The following GRM5 variants were observed in gnomAD, a reference collection of about 807,000 sequenced individuals.
GRM5 encodes glutamate metabotropic receptor 5, also known as metabotropic glutamate receptor 5.
A neutral mutation model predicts 83.1 loss-of-function variants in GRM5; 19 were observed. The observed-to-expected ratio is 0.23, with a 90% CI of 0.16 to 0.34. The LOEUF is 0.34. GRM5 is among the 10% of genes least tolerant of loss of function. GRM5 has a pLI of 1.00. For synonymous variants in GRM5, 675 were observed against 633.6 expected (o/e 1.07, Z -0.98); for missense variants, 1,160 against 1,588.3 (o/e 0.73, Z 4.58).
chr11:88,728,636 G>T (rs1941737548), intron 3 of GRM5, among the ~76,000 whole-genome samples: 1 of 152,104 alleles, frequency 6.6e-6, no homozygotes, highest in Admixed American at 6.6e-5. Flanking sequence ...TAAAATACTG[G>T]CAAAATGAAT....
At chr11:88,626,923 C>T (rs534492927) in intron 4 of GRM5, among the ~76,000 whole-genome samples, 3 of 152,278 alleles carry the variant, frequency 2.0e-5, no homozygotes, top group Admixed American at 2.0e-4. Context: ...TTCACCAGAA[C>T]CCAACTATGT....
chr11:88,812,175 C>T (rs1042712270), intron 3 of GRM5, among the ~76,000 whole-genome samples: 4 of 152,130 alleles, frequency 2.6e-5, no homozygotes, highest in East Asian at 1.9e-4. Context: ...TACTATATTT[C>T]GATAATTTCA....
intron 1 of GRM5, among the ~76,000 whole-genome samples, chr11:89,060,954 A>T (rs562695443): frequency 1.3e-5 from 2 of 152,244 alleles, no homozygotes. Flanking sequence ...ACTAGAATTA[A>T]TATTTCTCTG....
chr11:88,975,634 G>A (rs1414830593), intron 2 of GRM5, among the ~76,000 whole-genome samples: 5 of 152,120 alleles, frequency 3.3e-5, no homozygotes, highest in Non-Finnish European at 7.4e-5. Flanking sequence ...AAAATCCTAG[G>A]CTCCAACCCA....
chr11:88,522,619 G>T (rs1031405220), intron 9 of GRM5, among the ~76,000 whole-genome samples: 1 of 150,174 alleles, frequency 6.7e-6, no homozygotes, highest in Non-Finnish European at 1.5e-5. Context: ...GTGTGTGTGT[G>T]TGTGTGTGTG....
At chr11:88,760,647 A>G (rs1244489351) in intron 3 of GRM5, among the ~76,000 whole-genome samples, 1 of 152,188 alleles carries the variant, frequency 6.6e-6, no homozygotes, top group Non-Finnish European at 1.5e-5. Context: ...AAGAGCTGGT[A>G]TCATTTCTGC....
At chr11:88,618,368 G>A (rs1490115197) in intron 4 of GRM5, among the ~76,000 whole-genome samples, 1 of 152,182 alleles carries the variant, frequency 6.6e-6, no homozygotes, top group Non-Finnish European at 1.5e-5. Flanking sequence ...TTTAAACTCA[G>A]ACTGTTGATA....
intron 2 of GRM5, among the ~76,000 whole-genome samples, chr11:88,933,819 T>G (rs1937799633): frequency 6.6e-6 from 1 of 151,842 alleles, no homozygotes; most frequent in Non-Finnish European, 1.5e-5. Flanking sequence ...TAAAGTATCT[T>G]TTAAAATATT....
intron 3 of GRM5, among the ~76,000 whole-genome samples, chr11:88,668,297 GCACACACACACACACA>G (rs72052705): frequency 4.6e-4 from 60 of 130,116 alleles, no homozygotes; most frequent in Non-Finnish European, 8.1e-4. Flanking sequence ...CCAGAAACTC[GCACACACACACACACA>G]CACACACACA....
chr11:88,998,633 C>A (rs1327393004), intron 2 of GRM5, among the ~76,000 whole-genome samples: 1 of 152,074 alleles, frequency 6.6e-6, no homozygotes, highest in Admixed American at 6.6e-5. Flanking sequence ...AGAGATGAAG[C>A]AATAAAACTG....
At chr11:88,912,102 A>G (rs1197068094) in intron 2 of GRM5, 1 of 443,548 alleles carries the variant, frequency 2.3e-6, no homozygotes, top group East Asian at 7.2e-5. Flanking sequence ...AACTTCCTAA[A>G]ATGACCAAAT....
intron 4 of GRM5, among the ~76,000 whole-genome samples, chr11:88,642,437 T>G (rs953664932): frequency 6.6e-6 from 1 of 152,180 alleles, no homozygotes; most frequent in African/African-American, 2.4e-5. Context: ...TCCCTTTTAG[T>G]TGGGCAAATA....
intron 2 of GRM5, among the ~76,000 whole-genome samples, chr11:89,019,023 G>A (rs1940921629): frequency 6.6e-6 from 1 of 152,076 alleles, no homozygotes; most frequent in East Asian, 1.9e-4. Flanking sequence ...GCTTATCTGA[G>A]ATCACATCCA....
chr11:88,957,396 T>C (rs922441229), intron 2 of GRM5, among the ~76,000 whole-genome samples: 1 of 152,186 alleles, frequency 6.6e-6, no homozygotes, highest in African/African-American at 2.4e-5. Context: ...TGGGATGAAA[T>C]ACACTTTAGA....
intron 2 of GRM5, among the ~76,000 whole-genome samples, chr11:89,025,597 G>A (rs1396348298): frequency 2.6e-5 from 4 of 151,924 alleles, no homozygotes; most frequent in African/African-American, 9.7e-5. Flanking sequence ...CACAAAGGAA[G>A]GTGCAAAAAT....
At chr11:88,679,816 T>A (rs1591435509) in intron 3 of GRM5, among the ~76,000 whole-genome samples, 1 of 152,270 alleles carries the variant, frequency 6.6e-6, no homozygotes, top group East Asian at 1.9e-4. Flanking sequence ...AGACAAAAGC[T>A]TTACCACATG....
chr11:88,625,065 A>G (rs1591390851), intron 4 of GRM5, among the ~76,000 whole-genome samples: 2 of 152,324 alleles, frequency 1.3e-5, no homozygotes, highest in East Asian at 3.9e-4. Context: ...TATTCAAAAC[A>G]TGGTCATTTG....
At chr11:89,051,558 A>G (rs1565352690) in intron 1 of GRM5, among the ~76,000 whole-genome samples, 1 of 152,018 alleles carries the variant, frequency 6.6e-6, no homozygotes, top group Non-Finnish European at 1.5e-5. Flanking sequence ...AAAAAGAGAA[A>G]AATTAGCTGG....
chr11:88,767,914 C>T (rs1942654528), intron 3 of GRM5, among the ~76,000 whole-genome samples: 3 of 151,832 alleles, frequency 2.0e-5, no homozygotes, highest in African/African-American at 7.3e-5. Flanking sequence ...AATAGGATAG[C>T]AACACTATAA....
Sources: allele counts gnomAD v4.1 joint callset (sites outside exome capture counted in the v4.1 genomes callset), GRCh38; gene constraint gnomAD v4.1.1; transcripts MANE v1.5; gene names NCBI Gene and HGNC (gene_info 2026-07-23, HGNC 2026-07-21).